The following NEDD4 variants were observed in gnomAD, a reference collection of about 807,000 sequenced individuals.
The protein encoded by NEDD4 is NEDD4 E3 ubiquitin protein ligase.
A neutral mutation model predicts 144.9 loss-of-function variants in NEDD4; 99 were observed. The ratio of observed to expected loss-of-function variants is 0.68; its 90% confidence interval spans 0.58 to 0.81. The LOEUF (loss-of-function observed/expected upper bound fraction) is 0.81, where lower values mean the gene tolerates loss of function less well. Among genes scored for constraint, NEDD4 ranks in the 30% least tolerant of loss-of-function variants. The pLI is 0.00. For synonymous variants in NEDD4, 318 were observed against 350.6 expected, an observed-to-expected ratio of 0.91 and a Z score of 1.04; for missense variants, 985 against 1,065.9, an observed-to-expected ratio of 0.92 and a Z score of 1.06.
intron 5 of NEDD4, among the ~76,000 whole-genome samples, chr15:55,907,374 T>C (rs1048901284): frequency 1.8e-4 from 28 of 152,150 alleles, no homozygotes; most frequent in Admixed American, 3.3e-4. Context: ...TTAAATCATA[T>C]GGGCAATCAC....
chr15:55,858,421 T>G (rs959227752), intron 11 of NEDD4, among the ~76,000 whole-genome samples: 1 of 152,094 alleles, frequency 6.6e-6, no homozygotes, highest in African/African-American at 2.4e-5. Flanking sequence ...ATTCTTCCAA[T>G]CTCAGCCTCC....
At chr15:55,844,195 G>A (rs1273806899) in intron 18 of NEDD4, among the ~76,000 whole-genome samples, 1 of 152,054 alleles carries the variant, frequency 6.6e-6, no homozygotes. Context: ...GAAGGGAGAG[G>A]AAGGGAAAGA....
At chr15:55,954,569 G>C (rs1212514665) in intron 2 of NEDD4, among the ~76,000 whole-genome samples, 1 of 151,648 alleles carries the variant, frequency 6.6e-6, no homozygotes, top group African/African-American at 2.4e-5. Flanking sequence ...TTATTGCCTA[G>C]GCTGGAATGC....
intron 5 of NEDD4, among the ~76,000 whole-genome samples, chr15:55,904,939 A>G (rs2036037275): frequency 6.6e-6 from 1 of 151,936 alleles, no homozygotes; most frequent in Non-Finnish European, 1.5e-5. Flanking sequence ...CTAAAAATAC[A>G]AAATTAGCCG....
At chr15:55,903,108 A>G (rs1362038123) in intron 5 of NEDD4, among the ~76,000 whole-genome samples, 5 of 152,230 alleles carry the variant, frequency 3.3e-5, no homozygotes, top group South Asian at 2.1e-4. Context: ...AACAATGGCC[A>G]TAAGAAAACA....
In NEDD4 at chr15:55,938,289, G is replaced by A. The variant is rs147653133; in HGVS notation, c.237+13087C>T. On this transcript the variant is annotated intron_variant, in intron 4 of 28. Coordinates refer to ENST00000435532, the MANE Select transcript of NEDD4 (RefSeq NM_006154.4). ...CAGGAGAATCATTTGAACCTGGGAG[G>A]TGGTGGTTGCGGTGAGCCGAGATCG... Among the ~76,000 whole-genome samples, 49 of 152,282 alleles carry A rather than the reference G, an allele frequency of 3.2e-4. No individual in the cohort carries two copies. The East Asian group carries it at 9.1e-3, about 28-fold the overall frequency.
At chr15:55,847,333 A>G (rs1595742571) in intron 17 of NEDD4, among the ~76,000 whole-genome samples, 1 of 152,188 alleles carries the variant, frequency 6.6e-6, no homozygotes, top group Middle Eastern at 3.2e-3. Flanking sequence ...TAGAAACAAA[A>G]ATTTCCATTT....
chr15:55,977,543 A>G (rs1459319113), intron 1 of NEDD4, among the ~76,000 whole-genome samples: 1 of 152,204 alleles, frequency 6.6e-6, no homozygotes, highest in Non-Finnish European at 1.5e-5. Context: ...CACAACACAA[A>G]AAACTCTGAC....
intron 5 of NEDD4, among the ~76,000 whole-genome samples, chr15:55,903,546 C>G (rs760267527): frequency 1.1e-4 from 17 of 151,946 alleles, no homozygotes; most frequent in Non-Finnish European, 2.4e-4. Flanking sequence ...ATACTGGGGC[C>G]GGGCAAGGTG....
intron 4 of NEDD4, among the ~76,000 whole-genome samples, chr15:55,938,759 C>A (rs1430802215): frequency 6.6e-6 from 1 of 151,786 alleles, no homozygotes; most frequent in African/African-American, 2.4e-5. Context: ...AAAGGAACTC[C>A]CATAACCCAA....
chr15:55,947,599 C>T lies in NEDD4; in HGVS notation c.237+3777G>A, dbSNP rs1228519310. 3.3e-5 allele frequency among the ~76,000 whole-genome samples: 5 copies of T among 151,860 alleles called. 1 individual carries two copies. Among genetic ancestry groups the T allele is most frequent in the Admixed American group, 3.3e-4 (5 of 15,226 alleles). On this transcript the variant is annotated intron_variant, in intron 4 of 28. Transcript: ENST00000435532. ...TCTACCAAAGGTACAAGGAGCTTATCCACCATGATCAAGTGGGCTTCATCC... is the reference window on the plus strand; with the variant it reads ...TCTACCAAAGGTACAAGGAGCTTATTCACCATGATCAAGTGGGCTTCATCC...
intron 1 of NEDD4, among the ~76,000 whole-genome samples, chr15:55,980,617 A>C (rs2037782230): frequency 6.6e-6 from 1 of 152,230 alleles, no homozygotes; most frequent in Non-Finnish European, 1.5e-5. Context: ...GATTCAACAC[A>C]GAAAAGAGAT....
intron 5 of NEDD4, chr15:55,916,108 C>G (rs1271639910): frequency 6.2e-7 from 1 of 1,613,884 alleles, no homozygotes; most frequent in African/African-American, 1.3e-5. Flanking sequence ...AATCCATGTT[C>G]CAAGTCATCC....
chr15:55,873,298 T>C (rs1224386735), intron 6 of NEDD4, among the ~76,000 whole-genome samples: 1 of 152,192 alleles, frequency 6.6e-6, no homozygotes, highest in African/African-American at 2.4e-5. Context: ...CCAGTCCCTT[T>C]TCCCTACCTA....
In NEDD4 at chr15:55,841,916, C is replaced by A; in HGVS notation, c.1838+18G>T. ...TGATTTTTCTTTTTCTGCCGATAAT[C>A]ATTGTAAAGGTACTTACGTAGCAGA... On this transcript the variant is annotated intron_variant, in intron 19 of 28. Transcript: ENST00000435532. The A allele has an allele frequency of 6.3e-7, 1 of 1,585,252 alleles. No homozygotes were observed. Among genetic ancestry groups the A allele is most frequent in the African/African-American group, 1.3e-5 (1 of 74,394 alleles).
chr15:55,966,610 TA>T, intron 1 of NEDD4, 64 bp from the exon 2 acceptor site: 1 of 773,080 alleles, frequency 1.3e-6, no homozygotes, highest in Non-Finnish European at 2.0e-6. Context: ...CACAATTTTT[TA>T]AAAAATATAT....
intron 2 of NEDD4, among the ~76,000 whole-genome samples, chr15:55,960,969 C>T (rs977828359): frequency 1.3e-5 from 2 of 152,326 alleles, no homozygotes; most frequent in East Asian, 1.9e-4. Context: ...TAATAAACTG[C>T]TGTTATTTCT....
chr15:55,930,823 C>T (rs1380468268), intron 4 of NEDD4, among the ~76,000 whole-genome samples: 1 of 152,128 alleles, frequency 6.6e-6, no homozygotes, highest in African/African-American at 2.4e-5. Context: ...TATGATATGC[C>T]TTTGCTTCTC....
In NEDD4 at chr15:55,838,169, A is replaced by T; in HGVS notation, c.2139T>A (p.His713Gln). 3 of 1,596,342 alleles carry T rather than the reference A, an allele frequency of 1.9e-6. No individual in the cohort carries two copies. The highest frequency in any genetic ancestry group is 2.6e-6 in the Non-Finnish European group (3 of 1,169,028). The change falls in exon 23 of 29, where the codon CAT (histidine) becomes CAA (glutamine). Residue 713 changes from histidine to glutamine, a missense_variant. His to Gln is a conservative substitution (Grantham distance 24). Coordinates refer to ENST00000435532, the MANE Select transcript of NEDD4 (RefSeq NM_006154.4). Reference sequence around the variant, plus strand: ...TTTCTGATCCACCATTTTTCAGCTCATGTTGATGTGTCTAAAATTAAACAC... The same window carrying T: ...TTTCTGATCCACCATTTTTCAGCTCTTGTTGATGTGTCTAAAATTAAACAC... The part of the protein sequence containing the change: ...DEELFGQTHQ[H>Q]ELKNGGSEIV...
Sources: allele counts gnomAD v4.1 joint callset (sites outside exome capture counted in the v4.1 genomes callset), GRCh38; gene constraint gnomAD v4.1.1; transcripts MANE v1.5; gene names NCBI Gene and HGNC (gene_info 2026-07-23, HGNC 2026-07-21).